NR1I2: variants seen among roughly 807,000 people sequenced by gnomAD.
NR1I2 encodes orphan nuclear receptor PAR1.
In NR1I2, 42 loss-of-function variants were observed where a neutral mutation model predicts 43.3. The observed-to-expected ratio is 0.97, with a 90% CI of 0.76 to 1.26. The LOEUF (loss-of-function observed/expected upper bound fraction) is 1.26, where lower values mean the gene tolerates loss of function less well. Ranked by LOEUF, NR1I2 falls within the 50% of genes most tolerant of loss-of-function variation. The pLI, the probability that NR1I2 is intolerant of heterozygous loss-of-function variation, is 0.00. For missense variants in NR1I2, 559 were observed against 566.7 expected (o/e 0.99, Z 0.14); for synonymous variants, 229 against 215.0 (o/e 1.06, Z -0.57).
rs140189458 is a variant in NR1I2 at position 119,807,355 on chromosome 3, C to T, written c.105C>T (p.Val35=). 69 of 1,614,176 alleles carry T rather than the reference C, an allele frequency of 4.3e-5. 1 individual carries two copies. The highest frequency in any genetic ancestry group is 3.7e-4 in the South Asian group (34 of 91,066). Residue 35 remains valine, a synonymous_variant, in exon 2 of 9, where the codon GTC becomes GTT. Coordinates refer to ENST00000393716, the MANE Select transcript of NR1I2 (RefSeq NM_003889.4). ...CCAGTGTCAACGCAGATGAGGAAGT[C>T]GGAGGTCCCCAAATCTGCCGTGTAT...
chr3:119,816,071 A>G (rs998318942), intron 8 of NR1I2, among the ~76,000 whole-genome samples: 2 of 152,192 alleles, frequency 1.3e-5, no homozygotes, highest in Admixed American at 6.5e-5. Flanking sequence ...AGCTCCTGTG[A>G]CCTACTGCCC....
chr3:119,796,371 G>A (rs1297317131), intron 1 of NR1I2, among the ~76,000 whole-genome samples: 1 of 152,128 alleles, frequency 6.6e-6, no homozygotes, highest in Non-Finnish European at 1.5e-5. Context: ...TCCCATTGTT[G>A]AGCCTCCTTG....
At chr3:119,786,185 C>T (rs983955251) in intron 1 of NR1I2, among the ~76,000 whole-genome samples, 2 of 152,164 alleles carry the variant, frequency 1.3e-5, no homozygotes, top group Admixed American at 6.5e-5. Context: ...ATTCAGGGAA[C>T]GTGGACAACA....
At chr3:119,802,861 T>A (rs1308935158) in intron 1 of NR1I2, 1 of 456,516 alleles carries the variant, frequency 2.2e-6, no homozygotes, top group African/African-American at 2.0e-5. Context: ...ATATGATAAA[T>A]GCTATGATGA....
chr3:119,811,405 A>G, intron 3 of NR1I2, 134 bp from the exon 4 acceptor site: 1 of 829,764 alleles, frequency 1.2e-6, no homozygotes, highest in Non-Finnish European at 1.8e-6. Context: ...GACAGGGGAG[A>G]ATTGCTTGTC....
chr3:119,792,259 C>G, intron 1 of NR1I2: 2 of 1,543,940 alleles, frequency 1.3e-6, no homozygotes, highest in East Asian at 2.3e-5. Flanking sequence ...GAACTGGTCT[C>G]CAGGCAGGTG....
chr3:119,817,390 C>A lies in NR1I2; in HGVS notation c.*178C>A. 6.8e-7 allele frequency: 1 copy of A among 1,475,254 alleles called. No individual in the cohort carries two copies. The highest frequency in any genetic ancestry group is 9.0e-7 in the Non-Finnish European group (1 of 1,113,592). 91.4% of individuals were successfully genotyped at this position (1,475,254 alleles called of 1,614,324 possible). Reference sequence around the variant, plus strand: ...GCATTCCTCAGGAAGGACATGGGTGCCCCCCACCCCCAGTTCAGTCTGTAG... The same window carrying A: ...GCATTCCTCAGGAAGGACATGGGTGACCCCCACCCCCAGTTCAGTCTGTAG... On this transcript the variant is annotated 3_prime_UTR_variant, in exon 9 of 9. Transcript: ENST00000393716.
intron 1 of NR1I2, among the ~76,000 whole-genome samples, chr3:119,790,083 C>A (rs939711751): frequency 2.0e-5 from 3 of 152,144 alleles, no homozygotes; most frequent in African/African-American, 7.2e-5. Context: ...TTAAACAACT[C>A]CCATTCCCCT....
Position 119,817,265 on chromosome 3 carries a change from G to A in NR1I2, c.*53G>A. On this transcript the variant is annotated 3_prime_UTR_variant, in exon 9 of 9. Coordinates refer to ENST00000393716, the MANE Select transcript of NR1I2 (RefSeq NM_003889.4). ...GAGGCAGCCAGACCCAGAGCCCTCT[G>A]AGCCGCCACTCCCGGGCCAAGACAG... 1 of 1,607,910 alleles carries A rather than the reference G, an allele frequency of 6.2e-7. No individual in the cohort carries two copies. Among genetic ancestry groups the A allele is most frequent in the Non-Finnish European group, 8.5e-7 (1 of 1,179,184 alleles).
At chr3:119,803,861 G>A (rs971232500) in intron 1 of NR1I2, among the ~76,000 whole-genome samples, 4 of 151,742 alleles carry the variant, frequency 2.6e-5, no homozygotes, top group African/African-American at 4.8e-5. Flanking sequence ...AGGTTCAAGC[G>A]ATTCTCATGC....
intron 1 of NR1I2, among the ~76,000 whole-genome samples, chr3:119,805,169 G>C (rs548943626): frequency 2.0e-5 from 3 of 151,888 alleles, no homozygotes; most frequent in South Asian, 2.1e-4. Flanking sequence ...TCAACCTCTC[G>C]TACTGTTTAT....
chr3:119,791,551 C>G (rs900288841), intron 1 of NR1I2, among the ~76,000 whole-genome samples: 1 of 152,160 alleles, frequency 6.6e-6, no homozygotes, highest in Non-Finnish European at 1.5e-5. Flanking sequence ...AAAAAAGTTA[C>G]TTGATGGGTC....
chr3:119,789,444 A>G (rs2054888388), intron 1 of NR1I2, among the ~76,000 whole-genome samples: 1 of 152,166 alleles, frequency 6.6e-6, no homozygotes. Context: ...GAGAATGAGA[A>G]CCAAGCGAAA....
chr3:119,788,270 T>G (rs937845739), intron 1 of NR1I2, among the ~76,000 whole-genome samples: 17 of 150,426 alleles, frequency 1.1e-4, no homozygotes, highest in African/African-American at 4.2e-4. Flanking sequence ...TGTGCCACCA[T>G]GCCCAGACAC....
Position 119,817,205 on chromosome 3 carries a change from G to T in NR1I2, c.1298G>T (p.Gly433Val). Residue 433 changes from glycine to valine, a missense_variant, in exon 9 of 9, where the codon GGT (glycine) becomes GTT (valine). Physicochemically the swap from Gly to Val is moderately radical, Grantham distance 109. This residue lies in a region of NR1I2 where 323 missense variants were observed against 312.2 expected (regional missense o/e 1.03). Transcript: ENST00000393716. Reference sequence around the variant, plus strand: ...ATGCAGGAGTTGTTCGGCATCACAGGTAGCTGAGCGGCTGCCCTTGGGTGA... The same window carrying T: ...ATGCAGGAGTTGTTCGGCATCACAGTTAGCTGAGCGGCTGCCCTTGGGTGA... 6.2e-7 allele frequency: 1 copy of T among 1,613,986 alleles called. No homozygotes were observed. Among genetic ancestry groups the T allele is most frequent in the Non-Finnish European group, 8.5e-7 (1 of 1,180,030 alleles).
Position 119,785,577 on chromosome 3 carries a change from G to A in NR1I2, c.-23+3277G>A, listed in dbSNP as rs2054832618. Among the ~76,000 whole-genome samples, 5 of 152,192 alleles carry A rather than the reference G, an allele frequency of 3.3e-5. No individual in the cohort carries two copies. The South Asian group carries it at 1.0e-3, about 32-fold the overall frequency. ...ACCCTTAGGGGATCTTGAGTTTATA[G>A]TCTATGATCTGGTTAGGCTCCAGGC... On this transcript the variant is annotated intron_variant, in intron 1 of 8. Transcript: ENST00000393716.
chr3:119,815,847 G>T lies in NR1I2; in HGVS notation c.1160+16G>T, dbSNP rs954095368. The T allele has an allele frequency of 1.3e-6, 2 of 1,587,512 alleles. No homozygotes were observed. Among genetic ancestry groups the T allele is most frequent in the African/African-American group, 1.3e-5 (1 of 74,424 alleles). On this transcript the variant is annotated intron_variant, in intron 8 of 8. Coordinates refer to ENST00000393716, the MANE Select transcript of NR1I2 (RefSeq NM_003889.4). ...CTGCTCATAGGTGAGCACAGCAGGG[G>T]GTGAGGACCCGTGAGGGTGATGTGA...
chr3:119,797,254 A>C (rs2055014256), intron 1 of NR1I2, among the ~76,000 whole-genome samples: 1 of 149,364 alleles, frequency 6.7e-6, no homozygotes, highest in Non-Finnish European at 1.5e-5. Context: ...ATGCTCCTCC[A>C]TTACCCCCAA....
chr3:119,802,674 T>C (rs1041473804), intron 1 of NR1I2, among the ~76,000 whole-genome samples: 1 of 152,126 alleles, frequency 6.6e-6, no homozygotes, highest in East Asian at 1.9e-4. Flanking sequence ...CTAATAACAT[T>C]TTCTCTGCCT....
Sources: allele counts gnomAD v4.1 joint callset (sites outside exome capture counted in the v4.1 genomes callset), GRCh38; gene constraint gnomAD v4.1.1; regional missense constraint gnomAD v4.1.1; transcripts MANE v1.5; gene names NCBI Gene and HGNC (gene_info 2026-07-23, HGNC 2026-07-21).